The following PDCD10 variants were observed in gnomAD, a reference collection of about 807,000 sequenced individuals.
PDCD10 encodes programmed cell death 10.
PDCD10 carries 4 observed loss-of-function variants against 29.2 expected under a neutral mutation model. The observed-to-expected ratio is 0.14, with a 90% confidence interval of 0.07 to 0.31. PDCD10 has a LOEUF of 0.31. PDCD10 is among the 10% of genes least tolerant of loss of function. PDCD10 has a pLI of 1.00. For synonymous variants in PDCD10, 70 were observed against 82.2 expected (o/e 0.85, Z 0.80); for missense variants, 183 against 257.9 (o/e 0.71, Z 1.99).
chr3:167,703,609 T>C (rs1721666030), intron 4 of PDCD10, among the ~76,000 whole-genome samples: 1 of 152,156 alleles, frequency 6.6e-6, no homozygotes, highest in Non-Finnish European at 1.5e-5. Flanking sequence ...ACAGGTTATT[T>C]GAGCTACTGA....
chr3:167,685,483 T>G (rs1384394853), intron 8 of PDCD10, among the ~76,000 whole-genome samples: 3 of 150,068 alleles, frequency 2.0e-5, no homozygotes, highest in African/African-American at 7.3e-5. Context: ...AAAGATGGCC[T>G]AAAGATCAGG....
At chr3:167,715,201 C>T (rs146701710) in intron 3 of PDCD10, among the ~76,000 whole-genome samples, 48 of 151,852 alleles carry the variant, frequency 3.2e-4, no homozygotes, top group African/African-American at 1.1e-3. Context: ...CACAGAAAAC[C>T]GGATATTCCT....
In PDCD10 at chr3:167,693,447, C is replaced by T. The variant is rs1720471453; in HGVS notation, c.395+2149G>A. 2.0e-5 allele frequency among the ~76,000 whole-genome samples: 3 copies of T among 152,206 alleles called. No individual in the cohort carries two copies. The South Asian group carries it at 6.2e-4, about 31-fold the overall frequency. On this transcript the variant is annotated intron_variant, in intron 6 of 8. Transcript: ENST00000392750. Reference sequence around the variant, plus strand: ...ACCTTCAAATGTTGATAAGCTGTCACATACGTCCCACCAATTCACAATTTA... The same window carrying T: ...ACCTTCAAATGTTGATAAGCTGTCATATACGTCCCACCAATTCACAATTTA...
intron 3 of PDCD10, among the ~76,000 whole-genome samples, chr3:167,715,369 C>T (rs1305061713): frequency 6.6e-6 from 1 of 151,788 alleles, no homozygotes; most frequent in Non-Finnish European, 1.5e-5. Flanking sequence ...AAATTTCTTA[C>T]ATAATACCCC....
At chr3:167,686,493 T>C (rs1719640252) in intron 8 of PDCD10, among the ~76,000 whole-genome samples, 1 of 152,176 alleles carries the variant, frequency 6.6e-6, no homozygotes, top group South Asian at 2.1e-4. Flanking sequence ...AGGTGGGGCC[T>C]AGGCAGTGGG....
At chr3:167,698,584 C>T (rs775133413) in intron 4 of PDCD10, among the ~76,000 whole-genome samples, 24 of 152,048 alleles carry the variant, frequency 1.6e-4, no homozygotes, top group Non-Finnish European at 3.2e-4. Context: ...AAAGGAGTTT[C>T]CTTTATAAGA....
intron 4 of PDCD10, chr3:167,704,552 A>G (rs1466750072): frequency 3.7e-6 from 1 of 272,106 alleles, no homozygotes; most frequent in African/African-American, 2.4e-5. Context: ...AAGGTCAAAT[A>G]ATAGAAAAAA....
chr3:167,688,055 GGCTAATGTA>G (rs1217024236), intron 6 of PDCD10, among the ~76,000 whole-genome samples: 1 of 152,070 alleles, frequency 6.6e-6, no homozygotes, highest in Non-Finnish European at 1.5e-5. Context: ...TCTTTGCTCT[GGCTAATGTA>G]GCTAAATTCA....
In PDCD10 at chr3:167,716,272, T is replaced by C. The variant is rs74512022; in HGVS notation, c.96+3790A>G. Among the ~76,000 whole-genome samples the C allele has an allele frequency of 7.7e-4, 117 of 151,932 alleles. 3 individuals carry two copies. In the East Asian group the frequency reaches 0.022, roughly 28 times the overall value. ...GATGGTTACCAAAGGCTGAGGAGGA[T>C]AGTGGGGGTGGAGAAGAAGTGAGGA... On this transcript the variant is annotated intron_variant, in intron 3 of 8. Coordinates refer to ENST00000392750, the MANE Select transcript of PDCD10 (RefSeq NM_007217.4).
intron 2 of PDCD10, among the ~76,000 whole-genome samples, chr3:167,732,480 C>T (rs1470317682): frequency 6.6e-6 from 1 of 152,174 alleles, no homozygotes; most frequent in Non-Finnish European, 1.5e-5. Context: ...TCTGTGAACT[C>T]CTAATTATCC....
intron 3 of PDCD10, among the ~76,000 whole-genome samples, chr3:167,708,824 GTGAAA>G (rs1559963727): frequency 1.3e-5 from 2 of 152,144 alleles, no homozygotes; most frequent in African/African-American, 4.8e-5. Context: ...ATACAAAACT[GTGAAA>G]TATATGCGAA....
At chr3:167,706,144 G>A (rs1269875726) in intron 3 of PDCD10, among the ~76,000 whole-genome samples, 2 of 152,196 alleles carry the variant, frequency 1.3e-5, no homozygotes, top group African/African-American at 2.4e-5. Flanking sequence ...TTCATGAAGA[G>A]CTAACAAGAT....
At chr3:167,714,182 C>G (rs1722785361) in intron 3 of PDCD10, among the ~76,000 whole-genome samples, 1 of 151,994 alleles carries the variant, frequency 6.6e-6, no homozygotes, top group Non-Finnish European at 1.5e-5. Flanking sequence ...TTAGAAAGAT[C>G]ATTCATAATA....
intron 2 of PDCD10, among the ~76,000 whole-genome samples, chr3:167,731,833 C>T (rs1364080459): frequency 6.6e-6 from 1 of 152,060 alleles, no homozygotes; most frequent in East Asian, 1.9e-4. Context: ...TTTGGGAAGG[C>T]GGGCAAGGCT....
In PDCD10 at chr3:167,707,359, TCTTTGG is replaced by T. The variant is rs146194533; in HGVS notation, c.97-2470_97-2465del. 1.3e-3 allele frequency among the ~76,000 whole-genome samples: 193 copies of T among 152,208 alleles called. 6 individuals carry two copies. The East Asian group carries it at 0.026, about 20-fold the overall frequency. On this transcript the variant is annotated intron_variant, in intron 3 of 8. Coordinates refer to ENST00000392750, the MANE Select transcript of PDCD10 (RefSeq NM_007217.4). ...CACTTTCCGAGCTTTAGGGATAACG[TCTTTGG>T]CTAGGGTAACTTTAAAGAATAAACA...
At chr3:167,702,102 G>A (rs754649268) in intron 4 of PDCD10, among the ~76,000 whole-genome samples, 1 of 152,164 alleles carries the variant, frequency 6.6e-6, no homozygotes, top group African/African-American at 2.4e-5. Flanking sequence ...GCAAATGTTG[G>A]AAGATTGGTA....
chr3:167,708,244 C>T (rs1722185584), intron 3 of PDCD10, among the ~76,000 whole-genome samples: 1 of 150,874 alleles, frequency 6.6e-6, no homozygotes, highest in Non-Finnish European at 1.5e-5. Flanking sequence ...ACTTTTCCAG[C>T]ATCAAGTTTC....
At chr3:167,707,055 T>C (rs1722045641) in intron 3 of PDCD10, among the ~76,000 whole-genome samples, 1 of 152,224 alleles carries the variant, frequency 6.6e-6, no homozygotes, top group Non-Finnish European at 1.5e-5. Context: ...TGACATATTC[T>C]TGAGTTCCTA....
intron 3 of PDCD10, among the ~76,000 whole-genome samples, chr3:167,710,640 G>A (rs944772052): frequency 1.3e-5 from 2 of 152,212 alleles, no homozygotes; most frequent in African/African-American, 4.8e-5. Flanking sequence ...CATACTGAAG[G>A]GAAGGACATA....
Sources: allele counts gnomAD v4.1 joint callset (sites outside exome capture counted in the v4.1 genomes callset), GRCh38; gene constraint gnomAD v4.1.1; transcripts MANE v1.5; gene names NCBI Gene and HGNC (gene_info 2026-07-23, HGNC 2026-07-21).